Variants in SPATA20 observed in about 807,000 individuals in gnomAD.
SPATA20 encodes the protein spermatogenesis associated 20, also known as spermatogenesis-associated protein 20.
Under a neutral mutation model 98.9 loss-of-function variants are expected in SPATA20, and 74 were observed. The ratio of observed to expected loss-of-function variants is 0.75; its 90% CI spans 0.62 to 0.91. SPATA20 has a LOEUF of 0.91. Among genes scored for constraint, SPATA20 ranks in the 40% least tolerant of loss-of-function variants. The probability of loss-of-function intolerance (pLI) is 0.00; values close to 1 mark genes in which losing one functional copy is unlikely to be tolerated. For missense variants in SPATA20, 1,016 were observed against 1,069.8 expected (o/e 0.95, Z 0.70); for synonymous variants, 430 against 440.5 (o/e 0.98, Z 0.30).
intron 14 of SPATA20, 90 bp from the exon 15 acceptor site, chr17:50,554,161 C>G: frequency 8.3e-7 from 1 of 1,210,652 alleles, no homozygotes; most frequent in South Asian, 1.3e-5. Flanking sequence ...TGTCCCGTCC[C>G]CCAAGTGGCC....
chr17:50,551,321 T>A, intron 12 of SPATA20, 131 bp downstream of exon 12: 1 of 1,198,166 alleles, frequency 8.3e-7, no homozygotes, highest in Non-Finnish European at 1.1e-6. Flanking sequence ...AAAAGAGGCT[T>A]AAGGAGCTTG....
chr17:50,548,051 G>T (rs762437587), intron 2 of SPATA20: 6 of 1,490,308 alleles, frequency 4.0e-6, no homozygotes, highest in Non-Finnish European at 4.4e-6. Flanking sequence ...AGGCCCAGGA[G>T]GTTGGGGGAG....
At chr17:50,555,155 G>C (rs920115070) in intron 15 of SPATA20, 77 bp from the exon 16 acceptor site, 1 of 1,170,216 alleles carries the variant, frequency 8.5e-7, no homozygotes, top group Non-Finnish European at 1.3e-6. Flanking sequence ...GCGGAAGGAG[G>C]ATGGGGAAGC....
intron 6 of SPATA20, 33 bp downstream of exon 6, chr17:50,549,219 G>A (rs1330720687): frequency 6.3e-7 from 1 of 1,595,570 alleles, no homozygotes; most frequent in South Asian, 1.1e-5. Context: ...GGGGACCAGG[G>A]TGGGGGACTA....
chr17:50,551,467 G>T, intron 12 of SPATA20, 44 bp from the exon 13 acceptor site: 1 of 1,569,118 alleles, frequency 6.4e-7, no homozygotes, highest in Non-Finnish European at 8.7e-7. Context: ...TGCCTGGAGG[G>T]TCCTGGCCAG....
rs764138001 is a variant in SPATA20 at position 50,551,665 on chromosome 17, G to C, written c.1731G>C (p.Gly577=). 2 of 1,590,302 alleles carry C rather than the reference G, an allele frequency of 1.3e-6. No homozygotes were observed. Among genetic ancestry groups the C allele is most frequent in the African/African-American group, 1.3e-5 (1 of 74,552 alleles). The change falls in exon 13 of 17, where the codon GGG becomes GGC. Residue 577 remains glycine, a synonymous_variant. Transcript: ENST00000006658. ...LMRTCYTGPG[G]TVEHSNPPCW... is the part of the protein sequence containing the mutation. ...GGACCTGCTACACCGGCCCTGGGGG[G>C]ACTGTGGAGCACAGGTTGGGGGCTG...
Position 50,549,201 on chromosome 17 carries a change from G to A in SPATA20, c.660+15G>A, listed in dbSNP as rs1195370242. ...TACGAGAACAGGTGGGTGTGCCTCC[G>A]GGAGTTGGGGGACCAGGGTGGGGGA... On this transcript the variant is annotated intron_variant, in intron 6 of 16. Coordinates refer to ENST00000006658, the MANE Select transcript of SPATA20 (RefSeq NM_022827.4). 2 of 1,592,478 alleles carry A rather than the reference G, an allele frequency of 1.3e-6. No homozygotes were observed. The highest frequency in any genetic ancestry group is 1.3e-5 in the African/African-American group (1 of 74,664).
intron 6 of SPATA20, 39 bp from the exon 7 acceptor site, chr17:50,549,247 C>T (rs1204675997): frequency 1.2e-6 from 2 of 1,601,522 alleles, no homozygotes; most frequent in Non-Finnish European, 1.7e-6. Context: ...AGAGCCCCTC[C>T]CCCTAGCTGA....
chr17:50,551,661 G>C lies in SPATA20; in HGVS notation c.1727G>C (p.Gly576Ala). The C allele has an allele frequency of 1.3e-6, 2 of 1,590,802 alleles. No homozygotes were observed. Among genetic ancestry groups the C allele is most frequent in the African/African-American group, 1.3e-5 (1 of 74,662 alleles). ...RLMRTCYTGP[G>A]GTVEHSNPPC... The stretch of plus-strand genomic sequence containing the variant: ...ATGCGGACCTGCTACACCGGCCCTG[G>C]GGGGACTGTGGAGCACAGGTTGGGG... The change falls in exon 13 of 17, where the codon GGG becomes GCG. Residue 576 changes from glycine (G) to alanine (A), a missense_variant. Coordinates refer to ENST00000006658, the MANE Select transcript of SPATA20 (RefSeq NM_022827.4).
chr17:50,547,959 G>A, intron 2 of SPATA20, 192 bp downstream of exon 2: 1 of 1,483,950 alleles, frequency 6.7e-7, no homozygotes, highest in Non-Finnish European at 9.0e-7. Context: ...GGAGGGGCCT[G>A]GGGAGGGGTA....
chr17:50,552,565 CTTTT>C (rs36121212), intron 14 of SPATA20, among the ~76,000 whole-genome samples: 3 of 128,624 alleles, frequency 2.3e-5, no homozygotes, highest in Admixed American at 8.2e-5. Context: ...CTTTCTTTCT[CTTTT>C]TTTTTTTTTT....
chr17:50,550,610 GGTGTGTGTCCATGGTGGCA>G lies in SPATA20; in HGVS notation c.1173+2_1173+20del. ...ACGTGGCTCGGAGCCTGAGCCACCG[GGTGTGTGTCCATGGTGGCA>G]GGCAGGCCTGGCTGTGGGAGGGGTT... On this transcript the variant is annotated splice_donor_variant and splice_donor_5th_base_variant and intron_variant, in intron 10 of 16. Coordinates refer to ENST00000006658, the MANE Select transcript of SPATA20 (RefSeq NM_022827.4). LOFTEE classifies it high-confidence loss of function. 1 of 1,613,972 alleles carries G rather than the reference GGTGTGTGTCCATGGTGGCA, an allele frequency of 6.2e-7. No homozygotes were observed. The highest frequency in any genetic ancestry group is 8.5e-7 in the Non-Finnish European group (1 of 1,179,962).
chr17:50,550,450 C>T (rs931534341), intron 9 of SPATA20, 86 bp from the exon 10 acceptor site: 11 of 1,444,830 alleles, frequency 7.6e-6, no homozygotes, highest in Non-Finnish European at 9.7e-6. Context: ...TTCCCTCCCC[C>T]GCCTGCCTCA....
chr17:50,553,111 GA>G (rs1176376042), intron 14 of SPATA20, among the ~76,000 whole-genome samples: 2 of 152,214 alleles, frequency 1.3e-5, no homozygotes, highest in African/African-American at 4.8e-5. Context: ...GAAGAAGTAG[GA>G]CGCTCTATGT....
At chr17:50,549,556 T>G in intron 7 of SPATA20, 69 bp downstream of exon 7, 40 of 1,474,156 alleles carry the variant, frequency 2.7e-5, no homozygotes, top group Non-Finnish European at 3.7e-5. Context: ...AGGGACCTAC[T>G]GGCTCCTGGC....
chr17:50,553,132 C>G (rs1408826931), intron 14 of SPATA20, among the ~76,000 whole-genome samples: 1 of 152,226 alleles, frequency 6.6e-6, no homozygotes, highest in African/African-American at 2.4e-5. Context: ...TGTGCCTGCT[C>G]CCTATCACCC....
At chr17:50,547,466 C>G in intron 1 of SPATA20, 181 bp downstream of exon 1, 1 of 627,394 alleles carries the variant, frequency 1.6e-6, no homozygotes, top group Non-Finnish European at 2.8e-6. Flanking sequence ...CCCTCCTCCC[C>G]TCCTCTCCCG....
Position 50,549,101 on chromosome 17 carries a change from C to T in SPATA20, c.575C>T (p.Pro192Leu). The T allele has an allele frequency of 1.2e-6, 2 of 1,613,482 alleles. No homozygotes were observed. The highest frequency in any genetic ancestry group is 1.7e-6 in the Non-Finnish European group (2 of 1,179,892). The stretch of plus-strand genomic sequence containing the variant: ...GTGTGGCTGACTCCCAACCTCCAGC[C>T]CTTTGTCGGGGGCACCTATTTCCCT... ...MNVWLTPNLQ[P>L]FVGGTYFPPE... is the part of the protein sequence containing the mutation. The change falls in exon 6 of 17, where the codon CCC becomes CTC. Residue 192 changes from proline (P) to leucine (L), a missense_variant. By Grantham distance (98) the Pro-to-Leu change is moderately conservative. Coordinates refer to ENST00000006658, the MANE Select transcript of SPATA20 (RefSeq NM_022827.4).
Position 50,548,467 on chromosome 17 carries a change from C to G in SPATA20, c.296+14C>G, listed in dbSNP as rs8076470. On this transcript the variant is annotated intron_variant, in intron 3 of 16. Coordinates refer to ENST00000006658, the MANE Select transcript of SPATA20 (RefSeq NM_022827.4). ...TCCTGTGGACTGGTGAGCACCTCTC[C>G]TGGGGCCCTGCCTGGAATCGCTGGG... 4 of 1,613,300 alleles carry G rather than the reference C, an allele frequency of 2.5e-6. No individual in the cohort carries two copies. Among genetic ancestry groups the G allele is most frequent in the East Asian group, 2.2e-5 (1 of 44,866 alleles).
Sources: allele counts gnomAD v4.1 joint callset (sites outside exome capture counted in the v4.1 genomes callset), GRCh38; gene constraint gnomAD v4.1.1; transcripts MANE v1.5; gene names NCBI Gene and HGNC (gene_info 2026-07-23, HGNC 2026-07-21).